The following SMYD3 variants were observed in gnomAD, a reference collection of about 807,000 sequenced individuals.
The protein encoded by SMYD3 is SET and MYND domain containing 3, also known as histone-lysine N-methyltransferase SMYD3.
Under a neutral mutation model 57.7 loss-of-function variants are expected in SMYD3, and 36 were observed. The observed-to-expected ratio is 0.62, with a 90% CI of 0.48 to 0.82. SMYD3 has a LOEUF of 0.82. SMYD3 is among the 40% of genes least tolerant of loss of function. The probability of loss-of-function intolerance (pLI) is 0.00; values close to 1 mark genes in which losing one functional copy is unlikely to be tolerated. For synonymous variants in SMYD3, 211 were observed against 195.0 expected (o/e 1.08, Z -0.68); for missense variants, 515 against 538.8 (o/e 0.96, Z 0.44).
intron 5 of SMYD3, among the ~76,000 whole-genome samples, chr1:246,243,070 C>T (rs1252024042): frequency 3.9e-5 from 6 of 152,188 alleles, no homozygotes; most frequent in East Asian, 1.9e-4. Context: ...CAAACATATC[C>T]AGGACTTGAA....
intron 1 of SMYD3, among the ~76,000 whole-genome samples, chr1:246,427,709 T>A (rs1195361918): frequency 6.6e-6 from 1 of 151,584 alleles, no homozygotes; most frequent in African/African-American, 2.4e-5. Context: ...ACAAAAATTT[T>A]AAAAATCAGC....
intron 5 of SMYD3, among the ~76,000 whole-genome samples, chr1:246,187,349 T>C (rs559837924): frequency 6.7e-6 from 1 of 150,012 alleles, no homozygotes. Flanking sequence ...GTGGAAAAGA[T>C]ATCAAATAAG....
chr1:246,083,443 C>T (rs1319722745), intron 5 of SMYD3, among the ~76,000 whole-genome samples: 1 of 152,218 alleles, frequency 6.6e-6, no homozygotes, highest in Non-Finnish European at 1.5e-5. Context: ...TGTCCTGCCA[C>T]ATCCCGCTCT....
intron 7 of SMYD3, among the ~76,000 whole-genome samples, chr1:245,921,530 G>A (rs59351661): frequency 0.047 from 6,263 of 131,942 alleles, 273 homozygotes; most frequent in South Asian, 0.11. Flanking sequence ...CCCATCAACA[G>A]TGAGCTAAAA....
chr1:246,507,157 C>T lies in SMYD3; in HGVS notation c.61G>A (p.Val21Met). The T allele has an allele frequency of 6.5e-7, 1 of 1,532,578 alleles. No individual in the cohort carries two copies. The highest frequency in any genetic ancestry group is 8.8e-7 in the Non-Finnish European group (1 of 1,139,814). 94.9% of individuals were successfully genotyped at this position (1,532,578 alleles called of 1,614,324 possible). ...TAKRGNGLRAVTPLRPGELLF... is the reference protein window; with the variant it reads ...TAKRGNGLRAMTPLRPGELLF... ...AGCTCTCCGGGGCGCAGCGGGGTCA[C>T]GGCGCGCAGCCCGTTTCCCCTCTTG... The change falls in exon 1 of 12, where the codon GTG becomes ATG. Residue 21 changes from valine (V) to methionine (M), a missense_variant. Coordinates refer to ENST00000490107, the MANE Select transcript of SMYD3 (RefSeq NM_001167740.2).
chr1:245,794,894 A>AT (rs1159370177), intron 10 of SMYD3, among the ~76,000 whole-genome samples: 3 of 151,730 alleles, frequency 2.0e-5, no homozygotes, highest in Admixed American at 6.6e-5. Flanking sequence ...GATATTATCC[A>AT]TTTTTTTCTC....
rs902748889 is a variant in SMYD3 at position 246,203,465 on chromosome 1, T to C, written c.531+123736A>G. On this transcript the variant is annotated intron_variant, in intron 5 of 11. Coordinates refer to ENST00000490107, the MANE Select transcript of SMYD3 (RefSeq NM_001167740.2). This position sits in a 1 kb window ranked among gnomAD's most constrained non-coding sequence, Gnocchi z 4.6. ...AACTGATTCTCACAGTTCTGGAGTCTGGAAGTTCAAGATGAAAGTATCTAT... is the reference window on the plus strand; with the variant it reads ...AACTGATTCTCACAGTTCTGGAGTCCGGAAGTTCAAGATGAAAGTATCTAT... Among the ~76,000 whole-genome samples the C allele has an allele frequency of 6.6e-6, 1 of 152,208 alleles. No individual in the cohort carries two copies. The highest frequency in any genetic ancestry group is 1.5e-5 in the Non-Finnish European group (1 of 68,038).
intron 1 of SMYD3, among the ~76,000 whole-genome samples, chr1:246,460,496 A>G (rs2067782500): frequency 6.6e-6 from 1 of 152,238 alleles, no homozygotes; most frequent in Non-Finnish European, 1.5e-5. Context: ...TATTTTCTAC[A>G]GCTTTTGTTT....
intron 10 of SMYD3, among the ~76,000 whole-genome samples, chr1:245,817,557 G>C (rs948444442): frequency 6.6e-6 from 1 of 152,112 alleles, no homozygotes; most frequent in African/African-American, 2.4e-5. Context: ...GAATGACTTT[G>C]ATGACCTGAG....
At chr1:246,493,912 G>A (rs139314070) in intron 1 of SMYD3, among the ~76,000 whole-genome samples, 155 of 152,190 alleles carry the variant, frequency 1.0e-3, no homozygotes, top group African/African-American at 3.6e-3. Context: ...CCCTTTAATC[G>A]GTCAACAACG....
chr1:245,775,489 T>C (rs192318860), intron 10 of SMYD3, among the ~76,000 whole-genome samples: 8 of 151,086 alleles, frequency 5.3e-5, no homozygotes, highest in Admixed American at 2.0e-4. Context: ...AAGATGTGCT[T>C]TGTTAAACAG....
chr1:246,308,737 T>C (rs966608813), intron 5 of SMYD3, among the ~76,000 whole-genome samples: 7 of 152,172 alleles, frequency 4.6e-5, no homozygotes, highest in African/African-American at 1.7e-4. Context: ...ATTAAATGAC[T>C]TCAATATGGG....
At position 246,137,097 on chromosome 1, in the gene SMYD3, GTTTT is replaced by G. The variant is rs574283646; in HGVS notation, c.531+190100_531+190103del. 1.1e-3 allele frequency among the ~76,000 whole-genome samples: 171 copies of G among 152,232 alleles called. 1 individual carries two copies. The highest frequency in any genetic ancestry group is 3.9e-3 in the African/African-American group (160 of 41,552). On this transcript the variant is annotated intron_variant, in intron 5 of 11. Transcript: ENST00000490107. ...GCATATACTAGAATTTTGGATTTGG[GTTTT>G]TTTAATTGTTATATAAGTCACGTGC...
chr1:246,232,071 T>C (rs2063415824), intron 5 of SMYD3, among the ~76,000 whole-genome samples: 1 of 152,192 alleles, frequency 6.6e-6, no homozygotes, highest in African/African-American at 2.4e-5. Flanking sequence ...TTAAAAGCCA[T>C]AGTTTTTAAT....
chr1:246,169,880 G>C (rs528478404), intron 5 of SMYD3, among the ~76,000 whole-genome samples: 1 of 151,040 alleles, frequency 6.6e-6, no homozygotes, highest in South Asian at 2.1e-4. Flanking sequence ...CTCCAGCCTA[G>C]GCAACAGAGC....
intron 5 of SMYD3, among the ~76,000 whole-genome samples, chr1:245,988,019 C>T (rs946114871): frequency 1.3e-5 from 2 of 151,898 alleles, no homozygotes; most frequent in African/African-American, 2.4e-5. Flanking sequence ...TGAGAATCAC[C>T]GCTCCATACC....
rs139373691 is a variant in SMYD3 at position 245,947,762 on chromosome 1, C to T, written c.532-17825G>A. On this transcript the variant is annotated intron_variant, in intron 5 of 11. Transcript: ENST00000490107. ...AGACCCACTCAATAAACAGTCCACA[C>T]CATTATGTTACGTACCACTAAGAAA... Among the ~76,000 whole-genome samples, 311 of 152,040 alleles carry T rather than the reference C, an allele frequency of 2.0e-3. 3 individuals are homozygous for T. Among genetic ancestry groups the T allele is most frequent in the Non-Finnish European group, 3.8e-3 (256 of 67,982 alleles).
At chr1:245,956,010 CTGTT>C (rs1206011444) in intron 5 of SMYD3, 10 of 985,162 alleles carry the variant, frequency 1.0e-5, no homozygotes, top group Non-Finnish European at 1.2e-5. Context: ...CATAGGAACA[CTGTT>C]TGTAAATGCA....
chr1:245,894,053 G>C (rs555984233), intron 8 of SMYD3, among the ~76,000 whole-genome samples: 131 of 152,302 alleles, frequency 8.6e-4, no homozygotes, highest in African/African-American at 2.9e-3. Flanking sequence ...AGAGTACCTC[G>C]TGAGAGGTGA....
Sources: gnomAD v4.1 joint callset for allele counts (sites outside exome capture counted in the v4.1 genomes callset) on GRCh38, gnomAD v4.1.1 for gene constraint, Gnocchi (gnomAD v3.1) non-coding constraint, MANE v1.5 for transcripts, NCBI Gene and HGNC (gene_info 2026-07-23, HGNC 2026-07-21) for gene names.